The following SLC1A1 variants were observed in gnomAD, a reference collection of about 807,000 sequenced individuals.
SLC1A1 encodes solute carrier family 1 member 1.
SLC1A1 carries 43 observed loss-of-function variants against 53.3 expected under a neutral mutation model. The ratio of observed to expected loss-of-function variants is 0.81; its 90% CI spans 0.63 to 1.04. The LOEUF (loss-of-function observed/expected upper bound fraction) is 1.04. Ranked by LOEUF, SLC1A1 falls within the 50% of genes least tolerant of loss-of-function variation. SLC1A1 has a pLI of 0.00. For missense variants in SLC1A1, 748 were observed against 664.9 expected, an observed-to-expected ratio of 1.12 and a Z score of -1.37; for synonymous variants, 307 against 243.2, an observed-to-expected ratio of 1.26 and a Z score of -2.44.
intron 1 of SLC1A1, among the ~76,000 whole-genome samples, chr9:4,532,714 G>T (rs772673808): frequency 2.0e-5 from 3 of 152,036 alleles, no homozygotes; most frequent in Non-Finnish European, 2.9e-5. Flanking sequence ...TACAGAGAAC[G>T]CCACAAAGAT....
intron 1 of SLC1A1, among the ~76,000 whole-genome samples, chr9:4,497,338 C>T (rs766305543): frequency 6.6e-6 from 1 of 152,176 alleles, no homozygotes; most frequent in East Asian, 1.9e-4. Context: ...TGCTTCTAAC[C>T]ACTATCCTCT....
intron 1 of SLC1A1, among the ~76,000 whole-genome samples, chr9:4,531,875 A>G (rs973509608): frequency 6.6e-6 from 1 of 152,184 alleles, no homozygotes; most frequent in African/African-American, 2.4e-5. Context: ...AGAAATGATC[A>G]GGAAGCAACA....
chr9:4,507,525 T>C (rs1292271967), intron 1 of SLC1A1, among the ~76,000 whole-genome samples: 1 of 152,232 alleles, frequency 6.6e-6, no homozygotes, highest in Admixed American at 6.5e-5. Context: ...AGTAAATGTT[T>C]CTGTGGTCCT....
intron 1 of SLC1A1, 151 bp downstream of exon 1, chr9:4,490,921 C>G: frequency 1.5e-6 from 1 of 652,298 alleles, no homozygotes; most frequent in East Asian, 2.8e-5. Context: ...CCTGCGGGGG[C>G]TTTCCCCCAA....
At chr9:4,527,651 A>G (rs905162510) in intron 1 of SLC1A1, among the ~76,000 whole-genome samples, 1 of 152,152 alleles carries the variant, frequency 6.6e-6, no homozygotes, top group African/African-American at 2.4e-5. Context: ...ATCTACAGAA[A>G]TTGTTTCTAA....
rs546267013 is a variant in SLC1A1, at chr9:4,531,923, G to A, written c.92-12644G>A. ...CAATATCCACTGTTCTGCAGTCTCC[G>A]CTGCTGATACACAGGCAAAGAGGGT... On this transcript the variant is annotated intron_variant, in intron 1 of 11. Transcript: ENST00000262352. Among the ~76,000 whole-genome samples, 10 of 152,278 alleles carry A rather than the reference G, an allele frequency of 6.6e-5. No homozygotes were observed. In the East Asian group the frequency reaches 9.7e-4, roughly 15 times the overall value.
At chr9:4,582,929 G>C in intron 10 of SLC1A1, 109 bp from the exon 11 acceptor site, 1 of 1,390,640 alleles carries the variant, frequency 7.2e-7, no homozygotes, top group Non-Finnish European at 1.0e-6. Flanking sequence ...CCAATTTAGG[G>C]ACACAGCAGT....
At chr9:4,496,224 G>A (rs7038104) in intron 1 of SLC1A1, among the ~76,000 whole-genome samples, 2,368 of 152,224 alleles carry the variant, frequency 0.016, 62 homozygotes, top group African/African-American at 0.054. Flanking sequence ...ACAGTGATGG[G>A]TGAGAGGCTC....
chr9:4,510,513 T>A (rs1820966714), intron 1 of SLC1A1, among the ~76,000 whole-genome samples: 1 of 151,900 alleles, frequency 6.6e-6, no homozygotes, highest in South Asian at 2.1e-4. Context: ...ACCATAAGAG[T>A]CTAGAAACAG....
chr9:4,512,700 T>C (rs1033860063), intron 1 of SLC1A1, among the ~76,000 whole-genome samples: 10 of 152,126 alleles, frequency 6.6e-5, no homozygotes, highest in Non-Finnish European at 1.2e-4. Flanking sequence ...ACCAACCTAA[T>C]AGATGAATGA....
Position 4,585,338 on chromosome 9 carries a change from T to G in SLC1A1, c.1355T>G (p.Val452Gly). The G allele has an allele frequency of 6.2e-7, 1 of 1,614,036 alleles. No homozygotes were observed. Among genetic ancestry groups the G allele is most frequent in the Non-Finnish European group, 8.5e-7 (1 of 1,179,994 alleles). ...GACCGGTTCAGGACCATGGTCAACG[T>G]CCTTGGTGATGCTTTTGGGACGGGC... ...LLDRFRTMVN[V>G]LGDAFGTGIV... Residue 452 changes from valine to glycine, a missense_variant, in exon 12 of 12, where the codon GTC becomes GGC. Transcript: ENST00000262352.
chr9:4,578,704 T>G (rs1421914264), intron 10 of SLC1A1, among the ~76,000 whole-genome samples: 2 of 152,262 alleles, frequency 1.3e-5, no homozygotes, highest in Admixed American at 1.3e-4. Context: ...CTGTCATTAG[T>G]GGATTTTGCC....
rs373604899 is a variant in SLC1A1 at position 4,583,853 on chromosome 9, TTCTCTCTC to T, written c.1328+704_1328+711del. On this transcript the variant is annotated intron_variant, in intron 11 of 11. Transcript: ENST00000262352. This position sits in a 1 kb window ranked among gnomAD's most constrained non-coding sequence, Gnocchi z 4.6. ...CCATTCAGGCCCCAATCAACAACACTTCTCTCTCTCTCTCTCTCTCTCTCTCTCTCACA... is the reference window on the plus strand; with the variant it reads ...CCATTCAGGCCCCAATCAACAACACTTCTCTCTCTCTCTCTCTCTCTCACA... Among the ~76,000 whole-genome samples the T allele has an allele frequency of 2.9e-5, 4 of 137,002 alleles. No homozygotes were observed. The highest frequency in any genetic ancestry group is 7.5e-5 in the Admixed American group (1 of 13,270). The allele number at this position is 137,002 out of a possible 152,430, so 89.9% of individuals were successfully genotyped here.
chr9:4,584,971 G>A (rs1821454379), intron 11 of SLC1A1, among the ~76,000 whole-genome samples: 1 of 152,078 alleles, frequency 6.6e-6, no homozygotes, highest in Non-Finnish European at 1.5e-5. Flanking sequence ...ATTGAATCTA[G>A]AAAATCCCAA....
intron 1 of SLC1A1, among the ~76,000 whole-genome samples, chr9:4,543,388 G>C (rs1204779680): frequency 3.3e-5 from 5 of 152,180 alleles, no homozygotes; most frequent in Admixed American, 2.0e-4. Context: ...TAAAATAAGA[G>C]TGTGTATATT....
chr9:4,505,048 T>TTTC (rs1240639210), intron 1 of SLC1A1, among the ~76,000 whole-genome samples: 1 of 137,902 alleles, frequency 7.3e-6, no homozygotes, highest in Non-Finnish European at 1.5e-5. Context: ...TATATTTCTT[T>TTTC]TTTTTTTTTT....
intron 1 of SLC1A1, among the ~76,000 whole-genome samples, chr9:4,535,748 C>G (rs1311294709): frequency 1.3e-5 from 2 of 151,960 alleles, no homozygotes; most frequent in Non-Finnish European, 2.9e-5. Context: ...CCCACATTGC[C>G]AAGTCAATCC....
chr9:4,492,085 AAGGAG>A (rs1196108353), intron 1 of SLC1A1, among the ~76,000 whole-genome samples: 1 of 152,218 alleles, frequency 6.6e-6, no homozygotes, highest in Non-Finnish European at 1.5e-5. Context: ...TGTAGGAGGA[AAGGAG>A]AGAAGTACAG....
chr9:4,491,891 T>C (rs935203135), intron 1 of SLC1A1, among the ~76,000 whole-genome samples: 1 of 152,170 alleles, frequency 6.6e-6, no homozygotes, highest in African/African-American at 2.4e-5. Context: ...TCAGAATATA[T>C]GGTGTTGCTT....
Sources: gnomAD v4.1 joint callset for allele counts (sites outside exome capture counted in the v4.1 genomes callset) on GRCh38, gnomAD v4.1.1 for gene constraint, Gnocchi (gnomAD v3.1) non-coding constraint, MANE v1.5 for transcripts, NCBI Gene and HGNC (gene_info 2026-07-23, HGNC 2026-07-21) for gene names.